SPTLC1: variants seen among roughly 807,000 people sequenced by gnomAD.
SPTLC1 encodes the protein serine palmitoyltransferase 1.
In SPTLC1, 55 loss-of-function variants were observed where a neutral mutation model predicts 68.9. The observed-to-expected ratio is 0.80, with a 90% CI of 0.64 to 1.00. The LOEUF (loss-of-function observed/expected upper bound fraction) is 1.00, where lower values mean the gene tolerates loss of function less well. Among genes scored for constraint, SPTLC1 ranks in the 50% least tolerant of loss-of-function variants. The pLI, the probability that SPTLC1 is intolerant of heterozygous loss-of-function variation, is 0.00. For synonymous variants in SPTLC1, 197 were observed against 201.6 expected (o/e 0.98, Z 0.19); for missense variants, 449 against 573.1 (o/e 0.78, Z 2.21).
chr9:92,034,011 C>T (rs544293504), intron 14 of SPTLC1, among the ~76,000 whole-genome samples: 26 of 152,342 alleles, frequency 1.7e-4, no homozygotes, highest in East Asian at 1.5e-3. Flanking sequence ...AGCTCTTCTG[C>T]GGCTTGCACT....
intron 5 of SPTLC1, among the ~76,000 whole-genome samples, chr9:92,075,059 C>G (rs945789865): frequency 6.6e-6 from 1 of 152,096 alleles, no homozygotes; most frequent in African/African-American, 2.4e-5. Flanking sequence ...TGTTTCCCAT[C>G]TCATTCAATA....
intron 5 of SPTLC1, among the ~76,000 whole-genome samples, chr9:92,075,151 C>A (rs757882346): frequency 1.3e-5 from 2 of 152,148 alleles, no homozygotes; most frequent in Non-Finnish European, 2.9e-5. Context: ...ACCTCTACTC[C>A]AAGGGGTACA....
chr9:92,087,227 CCTT>C (rs1471470770), intron 3 of SPTLC1, among the ~76,000 whole-genome samples: 1 of 151,424 alleles, frequency 6.6e-6, no homozygotes, highest in African/African-American at 2.4e-5. Context: ...TCGTCTGAAG[CCTT>C]CTTCTCTCAA....
At position 92,103,526 on chromosome 9, in the gene SPTLC1, C is replaced by T. The variant is rs1479362204; in HGVS notation, c.260+5214G>A. Among the ~76,000 whole-genome samples, 7 of 152,340 alleles carry T rather than the reference C, an allele frequency of 4.6e-5. No individual in the cohort carries two copies. The South Asian group carries it at 1.5e-3, about 32-fold the overall frequency. On this transcript the variant is annotated intron_variant, in intron 3 of 14. Coordinates refer to ENST00000262554, the MANE Select transcript of SPTLC1 (RefSeq NM_006415.4). ...GGTTCAAAGCCTGGCTGGGCCATGA[C>T]CACCTGAATGACCTGAGGAATGGTC...
At chr9:92,032,677 C>T (rs1833010549) in intron 14 of SPTLC1, 119 bp from the exon 15 acceptor site, 2 of 1,319,648 alleles carry the variant, frequency 1.5e-6, no homozygotes, top group East Asian at 4.9e-5. Context: ...GAGATCGAGA[C>T]CATCCTGGCT....
At chr9:92,057,814 C>A (rs1385191660) in intron 7 of SPTLC1, among the ~76,000 whole-genome samples, 1 of 152,098 alleles carries the variant, frequency 6.6e-6, no homozygotes, top group Non-Finnish European at 1.5e-5. Context: ...AGCCTGCTCT[C>A]AGCAAGAAAA....
At chr9:92,115,212 C>G (rs1836407186) in intron 1 of SPTLC1, 102 bp downstream of exon 1, 2 of 1,190,788 alleles carry the variant, frequency 1.7e-6, no homozygotes, top group East Asian at 2.4e-5. Context: ...TGGGCGTGAC[C>G]GAGCCAGTCC....
At chr9:92,058,775 C>A (rs1427775750) in intron 7 of SPTLC1, among the ~76,000 whole-genome samples, 4 of 152,166 alleles carry the variant, frequency 2.6e-5, no homozygotes, top group Non-Finnish European at 5.9e-5. Flanking sequence ...GCCATTCTTT[C>A]CTCATGTAAT....
At chr9:92,063,525 T>A (rs1295821347) in intron 6 of SPTLC1, among the ~76,000 whole-genome samples, 1 of 152,172 alleles carries the variant, frequency 6.6e-6, no homozygotes, top group Admixed American at 6.6e-5. Context: ...AGTGTTATTC[T>A]GCTACCAAAA....
chr9:92,112,429 A>C, intron 2 of SPTLC1, 26 bp downstream of exon 2: 1 of 1,502,610 alleles, frequency 6.7e-7, no homozygotes, highest in South Asian at 1.1e-5. Flanking sequence ...ATACCCAATA[A>C]TTAAAACAGA....
intron 3 of SPTLC1, among the ~76,000 whole-genome samples, chr9:92,084,148 C>T (rs1344517253): frequency 2.0e-5 from 3 of 151,228 alleles, no homozygotes; most frequent in Non-Finnish European, 4.4e-5. Context: ...TGGGCTGAGA[C>T]AATGGGGTTT....
chr9:92,077,974 C>T (rs562325008), intron 5 of SPTLC1, among the ~76,000 whole-genome samples: 2 of 152,274 alleles, frequency 1.3e-5, no homozygotes, highest in South Asian at 4.1e-4. Flanking sequence ...TCCTCACCAT[C>T]TCCAATCCTT....
intron 12 of SPTLC1, 191 bp from the exon 13 acceptor site, chr9:92,038,556 TAA>T (rs1833230030): frequency 3.2e-6 from 2 of 621,644 alleles, no homozygotes; most frequent in East Asian, 5.9e-5. Flanking sequence ...CTTCCTCATC[TAA>T]AAAAGTCTGC....
At chr9:92,061,040 A>T (rs962058776) in intron 6 of SPTLC1, among the ~76,000 whole-genome samples, 1 of 152,178 alleles carries the variant, frequency 6.6e-6, no homozygotes, top group Non-Finnish European at 1.5e-5. Flanking sequence ...CATTTGTGTC[A>T]TTGGAATTCC....
intron 8 of SPTLC1, chr9:92,051,364 GA>G (rs1833699529): frequency 1.5e-6 from 1 of 670,770 alleles, no homozygotes; most frequent in Non-Finnish European, 1.8e-6. Context: ...AATGTAGGGG[GA>G]AAAACCCCAC....
At chr9:92,107,877 G>C (rs1006446385) in intron 3 of SPTLC1, 1 of 152,196 alleles carries the variant, frequency 6.6e-6, no homozygotes, top group Non-Finnish European at 1.5e-5. Flanking sequence ...ATACTACTCA[G>C]GAAAATATCT....
intron 7 of SPTLC1, among the ~76,000 whole-genome samples, chr9:92,057,197 T>C (rs1255781311): frequency 1.3e-5 from 2 of 152,254 alleles, no homozygotes; most frequent in African/African-American, 4.8e-5. Context: ...TCGGATTACA[T>C]GATTTTAATG....
chr9:92,054,648 C>T (rs35131459), intron 8 of SPTLC1, among the ~76,000 whole-genome samples: 5,081 of 152,284 alleles, frequency 0.033, 217 homozygotes, highest in Middle Eastern at 0.12. Context: ...GACTCAGTGG[C>T]TCATGCCTGT....
At chr9:92,044,317 CAAAGATGTA>C (rs1447923482) in intron 12 of SPTLC1, among the ~76,000 whole-genome samples, 5 of 152,154 alleles carry the variant, frequency 3.3e-5, no homozygotes, top group Non-Finnish European at 7.3e-5. Flanking sequence ...TGGAGCCATT[CAAAGATGTA>C]AAAGGAAATC....
Sources: allele counts gnomAD v4.1 joint callset (sites outside exome capture counted in the v4.1 genomes callset), GRCh38; gene constraint gnomAD v4.1.1; transcripts MANE v1.5; gene names NCBI Gene and HGNC (gene_info 2026-07-23, HGNC 2026-07-21).